Variants in SAMD4B observed in about 807,000 individuals in gnomAD.
The protein encoded by SAMD4B is sterile alpha motif domain containing 4B, also known as protein Smaug homolog 2.
A neutral mutation model predicts 74.5 loss-of-function variants in SAMD4B; 5 were observed. The ratio of observed to expected loss-of-function variants is 0.07; its 90% CI spans 0.04 to 0.14. The LOEUF (loss-of-function observed/expected upper bound fraction) is 0.14, where lower values mean the gene tolerates loss of function less well. Ranked by LOEUF, SAMD4B falls within the 10% of genes least tolerant of loss-of-function variation. The pLI is 1.00. For synonymous variants in SAMD4B, 373 were observed against 374.9 expected (o/e 1.00, Z 0.06); for missense variants, 608 against 921.8 (o/e 0.66, Z 4.41).
chr19:39,379,103 C>T (rs1359880145), intron 9 of SAMD4B, among the ~76,000 whole-genome samples: 2 of 151,422 alleles, frequency 1.3e-5, no homozygotes, highest in African/African-American at 4.9e-5. Flanking sequence ...GTTGCCCTGG[C>T]TGGTTTTGAA....
downstream of SAMD4B, chr19:39,390,340 G>T (rs1421664739): frequency 1.3e-5 from 21 of 1,557,680 alleles, no homozygotes; most frequent in Non-Finnish European, 1.8e-5. Flanking sequence ...GGATTGACAG[G>T]AGAATGAAAA....
intron 3 of SAMD4B, among the ~76,000 whole-genome samples, chr19:39,359,155 C>T (rs1422366040): frequency 1.3e-5 from 2 of 152,232 alleles, no homozygotes; most frequent in African/African-American, 4.8e-5. Flanking sequence ...TGTGATATGA[C>T]TCTGCCTTTA....
chr19:39,370,060 T>C lies in SAMD4B; in HGVS notation c.602T>C (p.Val201Ala), dbSNP rs1233493027. The change falls in exon 4 of 14, where the codon GTG becomes GCG. Residue 201 changes from valine (V) to alanine (A), a missense_variant. Transcript: ENST00000610417. Reference protein sequence around the residue: ...QDKPPRENGHVPFHPSSSVPP... With the variant: ...QDKPPRENGHAPFHPSSSVPP... Reference sequence around the variant, plus strand: ...AAGCCACCCCGGGAAAATGGACACGTGCCCTTCCACCCATCCAGCTCAGTG... The same window carrying C: ...AAGCCACCCCGGGAAAATGGACACGCGCCCTTCCACCCATCCAGCTCAGTG... 1.9e-6 allele frequency: 3 copies of C among 1,611,818 alleles called. No homozygotes were observed. In the Admixed American group the frequency reaches 5.0e-5, roughly 27 times the overall value.
downstream of SAMD4B, chr19:39,385,805 G>A: frequency 1.2e-6 from 1 of 829,612 alleles, no homozygotes; most frequent in Non-Finnish European, 1.8e-6. Context: ...GGGGTTGCGG[G>A]AGGTATGTGC....
rs2077686070 is a variant in SAMD4B at position 39,377,663 on chromosome 19, C to A, written c.1283C>A (p.Ala428Asp). The A allele has an allele frequency of 1.2e-6, 2 of 1,614,114 alleles. No individual in the cohort carries two copies. The highest frequency in any genetic ancestry group is 2.7e-5 in the African/African-American group (2 of 75,078). ...PPLPGAEPPL[A>D]HPGTDKGTEA... ...CTGCCAGGTGCTGAGCCTCCCCTAG[C>A]CCACCCCGGCACAGACAAAGGCACC... The change falls in exon 8 of 14, where the codon GCC (alanine) becomes GAC (aspartate). Residue 428 changes from alanine (A) to aspartate (D), a missense_variant. Transcript: ENST00000610417.
chr19:39,389,244 A>G (rs199776216), downstream of SAMD4B: 415 of 1,607,336 alleles, frequency 2.6e-4, 1 homozygote, highest in African/African-American at 4.9e-3. This position sits in a 1 kb window ranked among gnomAD's most constrained non-coding sequence, Gnocchi z 5.3. Flanking sequence ...GACACACCTA[A>G]TATCTCCACC....
chr19:39,349,569 A>G (rs1479994303), intron 1 of SAMD4B, among the ~76,000 whole-genome samples: 2 of 152,046 alleles, frequency 1.3e-5, no homozygotes, highest in Non-Finnish European at 2.9e-5. Flanking sequence ...GTTTCTGGAA[A>G]TAATGGTTGA....
chr19:39,370,733 C>T (rs2077243143), intron 4 of SAMD4B, among the ~76,000 whole-genome samples: 1 of 152,230 alleles, frequency 6.6e-6, no homozygotes, highest in Non-Finnish European at 1.5e-5. Flanking sequence ...TAAGACAAAA[C>T]TCATGCTGCA....
chr19:39,359,595 A>G (rs2076532280), intron 3 of SAMD4B, among the ~76,000 whole-genome samples: 1 of 152,188 alleles, frequency 6.6e-6, no homozygotes, highest in Non-Finnish European at 1.5e-5. Context: ...TTTCTCGTTA[A>G]GTATTTATTT....
intron 9 of SAMD4B, among the ~76,000 whole-genome samples, chr19:39,379,757 G>C (rs552264176): frequency 2.0e-5 from 3 of 152,226 alleles, no homozygotes; most frequent in Non-Finnish European, 2.9e-5. Context: ...TTTTAGTAGA[G>C]GTGGGGTTTC....
chr19:39,366,313 C>CA (rs981981147), intron 3 of SAMD4B, among the ~76,000 whole-genome samples: 41 of 149,828 alleles, frequency 2.7e-4, no homozygotes, highest in African/African-American at 6.4e-4. Flanking sequence ...GAGACTCCAT[C>CA]AAAAAAAAAT....
At chr19:39,363,750 G>T (rs2076788032) in intron 3 of SAMD4B, among the ~76,000 whole-genome samples, 1 of 152,200 alleles carries the variant, frequency 6.6e-6, no homozygotes. Context: ...CAGCAAGTTT[G>T]CCTGTTGAAC....
At position 39,375,910 on chromosome 19, in the gene SAMD4B, C is replaced by T. The variant is rs577662156; in HGVS notation, c.907+21C>T. On this transcript the variant is annotated intron_variant, in intron 5 of 13. Coordinates refer to ENST00000610417, the MANE Select transcript of SAMD4B (RefSeq NM_001384574.2). The surrounding 1 kb of genome is among the most constrained non-coding windows in gnomAD (Gnocchi z 4.1). ...GAAAGGTACATTGGGGACAGCAGCACCAGGACCCTTTTCCAGGGGCTTCTG... is the reference window on the plus strand; with the variant it reads ...GAAAGGTACATTGGGGACAGCAGCATCAGGACCCTTTTCCAGGGGCTTCTG... 4.4e-6 allele frequency: 7 copies of T among 1,594,474 alleles called. No individual in the cohort carries two copies. In the African/African-American group the frequency reaches 6.7e-5, roughly 15 times the overall value.
At chr19:39,344,569 C>A (rs1362559852) in intron 1 of SAMD4B, among the ~76,000 whole-genome samples, 2 of 152,130 alleles carry the variant, frequency 1.3e-5, no homozygotes, top group Non-Finnish European at 2.9e-5. Context: ...TATTTAGGAC[C>A]CTATCAGATT....
At position 39,380,813 on chromosome 19, in the gene SAMD4B, C is replaced by G. The variant is rs376593744; in HGVS notation, c.1848+28C>G. 1.9e-5 allele frequency: 29 copies of G among 1,515,444 alleles called. No homozygotes were observed. In the African/African-American group the frequency reaches 3.3e-4, roughly 17 times the overall value. 93.9% of individuals were successfully genotyped at this position (1,515,444 alleles called of 1,614,324 possible). Reference sequence around the variant, plus strand: ...AAGCTGGCTGGAAGCAGGGGCCTGGCCTCCTGGGGTTGGGGTGGCAGTACC... The same window carrying G: ...AAGCTGGCTGGAAGCAGGGGCCTGGGCTCCTGGGGTTGGGGTGGCAGTACC... On this transcript the variant is annotated intron_variant, in intron 11 of 13. Coordinates refer to ENST00000610417, the MANE Select transcript of SAMD4B (RefSeq NM_001384574.2).
chr19:39,359,498 T>A (rs899146728), intron 3 of SAMD4B, among the ~76,000 whole-genome samples: 1 of 152,230 alleles, frequency 6.6e-6, no homozygotes, highest in Non-Finnish European at 1.5e-5. Flanking sequence ...TCTTAATACA[T>A]ATGGCCAAAC....
chr19:39,350,155 T>C (rs1294476319), intron 1 of SAMD4B: 1 of 152,264 alleles, frequency 6.6e-6, no homozygotes, highest in Non-Finnish European at 1.5e-5. Context: ...TATGAAGACA[T>C]GCTAAGCATC....
At chr19:39,389,091 A>G (rs528549133), downstream of SAMD4B, 1 of 1,612,814 alleles carries the variant, frequency 6.2e-7, no homozygotes, top group African/African-American at 1.3e-5. This position sits in a 1 kb window ranked among gnomAD's most constrained non-coding sequence, Gnocchi z 5.3. Context: ...TCCCTCAATT[A>G]CTGATTTCTG....
chr19:39,388,190 T>C (rs568256869), downstream of SAMD4B: 217 of 750,810 alleles, frequency 2.9e-4, no homozygotes, highest in Non-Finnish European at 4.3e-4. Flanking sequence ...CAAGTCCAGC[T>C]CATGTGCATG....
Sources: gnomAD v4.1 joint callset for allele counts (sites outside exome capture counted in the v4.1 genomes callset) on GRCh38, gnomAD v4.1.1 for gene constraint, Gnocchi (gnomAD v3.1) non-coding constraint, MANE v1.5 for transcripts, NCBI Gene and HGNC (gene_info 2026-07-23, HGNC 2026-07-21) for gene names.